TAFA1: variants seen among roughly 807,000 people sequenced by gnomAD.
TAFA1 encodes chemokine-like protein TAFA-1.
In TAFA1, 4 loss-of-function variants were observed where a neutral mutation model predicts 18.5. The ratio of observed to expected loss-of-function variants is 0.22; its 90% confidence interval spans 0.11 to 0.49. The LOEUF is 0.49. TAFA1 is among the 20% of genes least tolerant of loss of function. The pLI, the probability that TAFA1 is intolerant of heterozygous loss-of-function variation, is 0.98. For synonymous variants in TAFA1, 56 were observed against 55.2 expected (o/e 1.01, Z -0.06); for missense variants, 147 against 169.0 (o/e 0.87, Z 0.72).
At chr3:68,435,408 T>A (rs2071252101) in intron 3 of TAFA1, among the ~76,000 whole-genome samples, 1 of 152,126 alleles carries the variant, frequency 6.6e-6, no homozygotes, top group Non-Finnish European at 1.5e-5. Context: ...CCAAGAGCAG[T>A]GGAATCAGGC....
Position 68,544,588 on chromosome 3 carries a change from C to A in TAFA1, c.*85C>A. ...TCAAACATCTCACATATATACAAGC[C>A]AAATGGATTTCTTACTTGCACTTTG... On this transcript the variant is annotated 3_prime_UTR_variant, in exon 5 of 5. Coordinates refer to ENST00000478136, the MANE Select transcript of TAFA1 (RefSeq NM_213609.4). 7.2e-7 allele frequency: 1 copy of A among 1,384,328 alleles called. No homozygotes were observed. The allele number at this position is 1,384,328 out of a possible 1,614,324, so 85.8% of individuals were successfully genotyped here. A position where few individuals can be genotyped will look rare whatever the true frequency, so the allele number is the denominator to read the frequency against.
intron 2 of TAFA1, among the ~76,000 whole-genome samples, chr3:68,398,390 C>G (rs924426194): frequency 1.3e-5 from 2 of 152,118 alleles, no homozygotes; most frequent in African/African-American, 4.8e-5. Context: ...GAAACTGGAC[C>G]CCTTCCTTAC....
intron 3 of TAFA1, among the ~76,000 whole-genome samples, chr3:68,479,887 C>T (rs935804178): frequency 1.3e-5 from 2 of 152,076 alleles, no homozygotes; most frequent in Non-Finnish European, 2.9e-5. Flanking sequence ...CATACACACA[C>T]ACACACACAA....
rs2068739534 is a variant in TAFA1 at position 68,324,193 on chromosome 3, T to G, written c.119-93087T>G. ...TTTTTTCATAAAGCTAAATTAATATTCACTACAGTTTGTGGATTGTGTTTG... is the reference window on the plus strand; with the variant it reads ...TTTTTTCATAAAGCTAAATTAATATGCACTACAGTTTGTGGATTGTGTTTG... On this transcript the variant is annotated intron_variant, in intron 2 of 4. Transcript: ENST00000478136. 2.6e-5 allele frequency among the ~76,000 whole-genome samples: 4 copies of G among 152,314 alleles called. No individual in the cohort carries two copies. The South Asian group carries it at 8.3e-4, about 32-fold the overall frequency.
chr3:68,336,378 ACCTCTGATGTGCTTTTATCATG>A (rs1459273298), intron 2 of TAFA1, among the ~76,000 whole-genome samples: 1 of 152,094 alleles, frequency 6.6e-6, no homozygotes. Flanking sequence ...GATACTACTT[ACCTCTGATGTGCTTTTATCATG>A]AAAAAGCTAG....
At chr3:68,366,099 A>G (rs992747521) in intron 2 of TAFA1, among the ~76,000 whole-genome samples, 1 of 151,106 alleles carries the variant, frequency 6.6e-6, no homozygotes, top group African/African-American at 2.4e-5. Flanking sequence ...AAAAAAAAAA[A>G]AAAAAGAAAC....
At position 68,130,852 on chromosome 3, in the gene TAFA1, G is replaced by A. The variant is rs115929072; in HGVS notation, c.118+124108G>A. Among the ~76,000 whole-genome samples the A allele has an allele frequency of 1.9e-3, 294 of 152,048 alleles. 2 individuals carry two copies. The highest frequency in any genetic ancestry group is 6.0e-3 in the African/African-American group (247 of 41,488). ...ACCTTTGCTCAAATATTACCTTTCC[G>A]TTAGCTACCTCCCTGTCCTCCCTGG... On this transcript the variant is annotated intron_variant, in intron 2 of 4. Transcript: ENST00000478136.
intron 2 of TAFA1, among the ~76,000 whole-genome samples, chr3:68,315,424 C>T (rs919798379): frequency 6.6e-5 from 10 of 152,156 alleles, no homozygotes; most frequent in African/African-American, 1.2e-4. Flanking sequence ...TTTGCTGGGG[C>T]GCGGAAATAG....
At chr3:68,283,881 C>T (rs2067948011) in intron 2 of TAFA1, among the ~76,000 whole-genome samples, 1 of 152,166 alleles carries the variant, frequency 6.6e-6, no homozygotes, top group South Asian at 2.1e-4. Flanking sequence ...GTTGAATCCT[C>T]CTGGATAAAT....
intron 2 of TAFA1, among the ~76,000 whole-genome samples, chr3:68,292,680 A>G (rs1468893003): frequency 6.6e-6 from 1 of 152,016 alleles, no homozygotes; most frequent in Non-Finnish European, 1.5e-5. Flanking sequence ...GTGCTATGCC[A>G]CCACACCTGG....
intron 3 of TAFA1, among the ~76,000 whole-genome samples, chr3:68,418,155 G>C (rs138552212): frequency 3.3e-5 from 5 of 152,238 alleles, no homozygotes; most frequent in African/African-American, 1.2e-4. Context: ...ATGCGCATCC[G>C]TGTGAAGATA....
intron 2 of TAFA1, among the ~76,000 whole-genome samples, chr3:68,227,414 A>G (rs1279017110): frequency 6.6e-6 from 1 of 152,206 alleles, no homozygotes; most frequent in Non-Finnish European, 1.5e-5. Context: ...GGGAATCAAG[A>G]CAGATTAGAA....
chr3:68,263,894 C>T (rs1001067247), intron 2 of TAFA1, among the ~76,000 whole-genome samples: 10 of 152,158 alleles, frequency 6.6e-5, no homozygotes, highest in Admixed American at 6.5e-5. Context: ...TACTTTAATG[C>T]ATATCAATAT....
At chr3:68,152,535 A>C (rs1333966350) in intron 2 of TAFA1, among the ~76,000 whole-genome samples, 1 of 152,160 alleles carries the variant, frequency 6.6e-6, no homozygotes, top group African/African-American at 2.4e-5. Context: ...AGTTAAATTC[A>C]GTCCCATGAT....
intron 2 of TAFA1, among the ~76,000 whole-genome samples, chr3:68,356,033 C>G (rs566593532): frequency 4.9e-4 from 74 of 151,984 alleles, no homozygotes; most frequent in African/African-American, 1.7e-3. Context: ...AGTAGCTACA[C>G]TTGAAGTGCT....
At chr3:68,339,320 AG>A (rs1194499901) in intron 2 of TAFA1, among the ~76,000 whole-genome samples, 1 of 152,268 alleles carries the variant, frequency 6.6e-6, no homozygotes, top group Non-Finnish European at 1.5e-5. Flanking sequence ...TTATAATTTC[AG>A]AACATTTTTG....
intron 2 of TAFA1, among the ~76,000 whole-genome samples, chr3:68,271,815 ATCTCTCTC>A (rs140600575): frequency 4.8e-5 from 7 of 147,288 alleles, no homozygotes; most frequent in Non-Finnish European, 9.0e-5. Context: ...CTCTTTGTCT[ATCTCTCTC>A]TCTCTCTCTC....
Position 68,115,469 on chromosome 3 carries a change from C to T in TAFA1, c.118+108725C>T, listed in dbSNP as rs572135625. Among the ~76,000 whole-genome samples the T allele has an allele frequency of 9.2e-5, 14 of 152,188 alleles. No individual in the cohort carries two copies. In the South Asian group the frequency reaches 2.9e-3, roughly 32 times the overall value. On this transcript the variant is annotated intron_variant, in intron 2 of 4. Transcript: ENST00000478136. The stretch of plus-strand genomic sequence containing the variant: ...GGGTGCTAAGTGTAAAAGTAGAATG[C>T]TAGTACAATAGTTCTGGCATACAGA...
intron 2 of TAFA1, among the ~76,000 whole-genome samples, chr3:68,156,045 C>G (rs1410562362): frequency 6.6e-6 from 1 of 152,072 alleles, no homozygotes; most frequent in East Asian, 1.9e-4. Flanking sequence ...GTCAAGCAGA[C>G]TGTATTTGGC....
Sources: gnomAD v4.1 joint callset for allele counts (sites outside exome capture counted in the v4.1 genomes callset) on GRCh38, gnomAD v4.1.1 for gene constraint, MANE v1.5 for transcripts, NCBI Gene and HGNC (gene_info 2026-07-23, HGNC 2026-07-21) for gene names.